ARHGAP15: variants seen among roughly 807,000 people sequenced by gnomAD.
The protein encoded by ARHGAP15 is rho GTPase-activating protein 15.
A neutral mutation model predicts 63.7 loss-of-function variants in ARHGAP15; 51 were observed. The ratio of observed to expected loss-of-function variants is 0.80; its 90% CI spans 0.64 to 1.01. The LOEUF (loss-of-function observed/expected upper bound fraction) is 1.01, where lower values mean the gene tolerates loss of function less well. Among genes scored for constraint, ARHGAP15 ranks in the 50% least tolerant of loss-of-function variants. The pLI is 0.00. For synonymous variants in ARHGAP15, 191 were observed against 193.8 expected (o/e 0.99, Z 0.12); for missense variants, 560 against 564.6 (o/e 0.99, Z 0.08).
intron 2 of ARHGAP15, among the ~76,000 whole-genome samples, chr2:143,156,105 G>A (rs1324178627): frequency 6.6e-6 from 1 of 151,808 alleles, no homozygotes; most frequent in Non-Finnish European, 1.5e-5. Flanking sequence ...ATACGATACT[G>A]GAAATTATGA....
At chr2:143,652,218 A>C (rs1256113877) in intron 12 of ARHGAP15, among the ~76,000 whole-genome samples, 2 of 151,920 alleles carry the variant, frequency 1.3e-5, no homozygotes, top group Non-Finnish European at 2.9e-5. Context: ...TTTCCTGTGG[A>C]GGGACAGAGA....
At chr2:143,461,570 C>T (rs1690942437) in intron 8 of ARHGAP15, among the ~76,000 whole-genome samples, 1 of 152,048 alleles carries the variant, frequency 6.6e-6, no homozygotes, top group East Asian at 1.9e-4. Flanking sequence ...TTTACTCCCA[C>T]CATTAAAAGG....
intron 6 of ARHGAP15, among the ~76,000 whole-genome samples, chr2:143,304,574 G>A (rs1168420946): frequency 6.6e-6 from 1 of 152,028 alleles, no homozygotes; most frequent in Non-Finnish European, 1.5e-5. Context: ...TGCATGTTGT[G>A]CACATGTACC....
At chr2:143,335,823 G>T (rs1029054435) in intron 6 of ARHGAP15, among the ~76,000 whole-genome samples, 1 of 152,134 alleles carries the variant, frequency 6.6e-6, no homozygotes, top group Non-Finnish European at 1.5e-5. Context: ...ATTTGAGGTG[G>T]TTCATGAAGG....
chr2:143,493,559 T>A (rs903998027), intron 9 of ARHGAP15, among the ~76,000 whole-genome samples: 3 of 152,232 alleles, frequency 2.0e-5, no homozygotes, highest in Admixed American at 1.3e-4. Flanking sequence ...GAGTTTCATT[T>A]TTTTCTTGCA....
intron 6 of ARHGAP15, among the ~76,000 whole-genome samples, chr2:143,260,575 T>C (rs531775401): frequency 3.3e-5 from 5 of 152,272 alleles, no homozygotes; most frequent in African/African-American, 1.2e-4. Flanking sequence ...AAAAGTCAGA[T>C]AACAAAGAAC....
At chr2:143,709,254 A>T (rs1366386836) in intron 13 of ARHGAP15, among the ~76,000 whole-genome samples, 1 of 152,192 alleles carries the variant, frequency 6.6e-6, no homozygotes, top group Non-Finnish European at 1.5e-5. Context: ...CAAATTTGTG[A>T]GGGGGGTGTA....
intron 13 of ARHGAP15, among the ~76,000 whole-genome samples, chr2:143,728,223 C>T (rs1016809603): frequency 2.6e-5 from 4 of 152,184 alleles, no homozygotes; most frequent in African/African-American, 9.6e-5. Flanking sequence ...TTACCCTTCA[C>T]GTGGTTTTAC....
At chr2:143,310,698 C>T (rs1160388054) in intron 6 of ARHGAP15, among the ~76,000 whole-genome samples, 1 of 151,948 alleles carries the variant, frequency 6.6e-6, no homozygotes, top group Admixed American at 6.6e-5. Context: ...ATTTAATTTA[C>T]ATACTTTATT....
intron 1 of ARHGAP15, among the ~76,000 whole-genome samples, chr2:143,142,106 A>G (rs79798422): frequency 0.011 from 1,620 of 152,174 alleles, 33 homozygotes; most frequent in African/African-American, 0.037. Context: ...AAAAGTAACA[A>G]CCCTCATTTT....
chr2:143,653,581 C>T (rs1681282458), intron 12 of ARHGAP15, among the ~76,000 whole-genome samples: 1 of 151,972 alleles, frequency 6.6e-6, no homozygotes, highest in African/African-American at 2.4e-5. Flanking sequence ...ATGTCATCTC[C>T]CTCATTCCTG....
intron 13 of ARHGAP15, among the ~76,000 whole-genome samples, chr2:143,715,642 T>C (rs1684778826): frequency 6.6e-6 from 1 of 152,234 alleles, no homozygotes; most frequent in Admixed American, 6.5e-5. Context: ...GATGCAGAGA[T>C]TGCAAAAACT....
intron 8 of ARHGAP15, among the ~76,000 whole-genome samples, chr2:143,462,223 ATAAAG>A (rs1215737627): frequency 2.0e-5 from 3 of 152,192 alleles, no homozygotes; most frequent in East Asian, 1.9e-4. Context: ...TGTAAAGTAA[ATAAAG>A]TAAACTATAA....
rs567030724 is a variant in ARHGAP15, at chr2:143,413,542, C to T, written c.475-22059C>T. Reference sequence around the variant, plus strand: ...ATCAATAACAGCTGTAATAATAGCTCACCGTAATCTTGTGAACTCTTTCAC... The same window carrying T: ...ATCAATAACAGCTGTAATAATAGCTTACCGTAATCTTGTGAACTCTTTCAC... On this transcript the variant is annotated intron_variant, in intron 6 of 13. Transcript: ENST00000295095. 7.6e-4 allele frequency among the ~76,000 whole-genome samples: 115 copies of T among 152,276 alleles called. 1 individual carries two copies. The highest frequency in any genetic ancestry group is 2.6e-3 in the African/African-American group (110 of 41,556).
chr2:143,185,627 T>A (rs1444993258), intron 2 of ARHGAP15, among the ~76,000 whole-genome samples: 2 of 152,206 alleles, frequency 1.3e-5, no homozygotes, highest in Admixed American at 1.3e-4. Flanking sequence ...CGATAGATCC[T>A]TGTTTCATGG....
rs1286285331 is a variant in ARHGAP15 at position 143,747,700 on chromosome 2, T to C, written c.1245-20289T>C. 3.9e-4 allele frequency among the ~76,000 whole-genome samples: 60 copies of C among 152,338 alleles called. No individual in the cohort carries two copies. In the Middle Eastern group the frequency reaches 0.01, roughly 26 times the overall value. On this transcript the variant is annotated intron_variant, in intron 13 of 13. Transcript: ENST00000295095. ...ATTTAAGATTCTTCTTGTTCTTTTA[T>C]GGTTTGATAGCTTATTTCTTTTTAT... is the stretch of plus-strand genomic sequence containing the variant.
At chr2:143,258,186 A>G (rs2105005419) in intron 6 of ARHGAP15, among the ~76,000 whole-genome samples, 1 of 152,218 alleles carries the variant, frequency 6.6e-6, no homozygotes. Flanking sequence ...TGATAAATAG[A>G]TGACGCTATT....
chr2:143,713,105 G>A (rs773197843), intron 13 of ARHGAP15, among the ~76,000 whole-genome samples: 1 of 152,192 alleles, frequency 6.6e-6, no homozygotes, highest in Non-Finnish European at 1.5e-5. Flanking sequence ...TAAGCCTAGT[G>A]TATTAGTCCA....
chr2:143,586,947 C>T (rs1388714661), intron 11 of ARHGAP15, among the ~76,000 whole-genome samples: 1 of 152,022 alleles, frequency 6.6e-6, no homozygotes, highest in Non-Finnish European at 1.5e-5. Flanking sequence ...CCCTTTCCTC[C>T]CTCCAACACA....
Sources: allele counts gnomAD v4.1 joint callset (sites outside exome capture counted in the v4.1 genomes callset), GRCh38; gene constraint gnomAD v4.1.1; transcripts MANE v1.5; gene names NCBI Gene and HGNC (gene_info 2026-07-23, HGNC 2026-07-21).